Variants in STK39 observed in about 807,000 individuals in gnomAD.
STK39 encodes the protein STE20/SPS1-related proline-alanine-rich protein kinase.
Under a neutral mutation model 77.8 loss-of-function variants are expected in STK39, and 20 were observed. The observed-to-expected ratio is 0.26, with a 90% confidence interval of 0.18 to 0.37. The LOEUF (loss-of-function observed/expected upper bound fraction) is 0.37. STK39 is among the 10% of genes least tolerant of loss of function. The pLI, the probability that STK39 is intolerant of heterozygous loss-of-function variation, is 1.00. For synonymous variants in STK39, 246 were observed against 234.1 expected (o/e 1.05, Z -0.47); for missense variants, 479 against 656.5 (o/e 0.73, Z 2.95).
intron 14 of STK39, among the ~76,000 whole-genome samples, chr2:168,056,941 G>C (rs1470224446): frequency 6.6e-6 from 1 of 152,148 alleles, no homozygotes; most frequent in Non-Finnish European, 1.5e-5. Context: ...TGAACAAATT[G>C]TGTGGCAGGG....
At chr2:168,020,435 T>G (rs1365845713) in intron 14 of STK39, among the ~76,000 whole-genome samples, 1 of 152,072 alleles carries the variant, frequency 6.6e-6, no homozygotes, top group Non-Finnish European at 1.5e-5. Context: ...TTCCACTGAA[T>G]ATGTGTGAAA....
chr2:168,161,173 A>G (rs2105583719), intron 5 of STK39, among the ~76,000 whole-genome samples: 1 of 152,310 alleles, frequency 6.6e-6, no homozygotes, highest in South Asian at 2.1e-4. Context: ...AGCAAGAGTT[A>G]ATATGGGCGT....
At chr2:167,982,848 C>G (rs756822425) in intron 16 of STK39, among the ~76,000 whole-genome samples, 5 of 152,174 alleles carry the variant, frequency 3.3e-5, no homozygotes, top group Non-Finnish European at 7.4e-5. Context: ...CTTCAGATCT[C>G]CAGCTTTCAC....
chr2:168,017,160 T>C, intron 14 of STK39, 65 bp from the exon 15 acceptor site: 1 of 1,125,066 alleles, frequency 8.9e-7, no homozygotes, highest in Non-Finnish European at 1.3e-6. Context: ...ACTACATGTA[T>C]TCAGATTTTC....
chr2:167,996,393 T>G (rs1387581453), intron 16 of STK39, among the ~76,000 whole-genome samples: 2 of 152,248 alleles, frequency 1.3e-5, no homozygotes, highest in East Asian at 3.8e-4. Context: ...ATCAGTTTAT[T>G]AAATGACACC....
chr2:168,172,342 T>C (rs185881648), intron 2 of STK39, among the ~76,000 whole-genome samples: 1 of 152,314 alleles, frequency 6.6e-6, no homozygotes, highest in Admixed American at 6.5e-5. Flanking sequence ...TTGGCCCCAC[T>C]GGCTCAAGGA....
intron 5 of STK39, among the ~76,000 whole-genome samples, chr2:168,158,380 A>G (rs1183204565): frequency 6.6e-6 from 1 of 152,098 alleles, no homozygotes; most frequent in Non-Finnish European, 1.5e-5. Context: ...TTCTATACCA[A>G]ATGACGCTTA....
chr2:167,964,594 G>GATT, intron 17 of STK39, 68 bp downstream of exon 17: 1 of 1,367,892 alleles, frequency 7.3e-7, no homozygotes, highest in African/African-American at 1.4e-5. Flanking sequence ...TATTAAACTA[G>GATT]ATTATTATTC....
chr2:168,100,148 A>C (rs902990386), intron 10 of STK39, among the ~76,000 whole-genome samples: 1 of 152,234 alleles, frequency 6.6e-6, no homozygotes, highest in African/African-American at 2.4e-5. Flanking sequence ...AGTTTTGCAG[A>C]CTATTTCAAG....
At chr2:168,059,856 C>T (rs1685616924) in intron 14 of STK39, among the ~76,000 whole-genome samples, 1 of 152,138 alleles carries the variant, frequency 6.6e-6, no homozygotes, top group Non-Finnish European at 1.5e-5. Flanking sequence ...GTATATCATA[C>T]AACCAATTTG....
At chr2:167,979,610 G>A (rs577371566) in intron 16 of STK39, among the ~76,000 whole-genome samples, 2 of 152,222 alleles carry the variant, frequency 1.3e-5, no homozygotes, top group African/African-American at 4.8e-5. Flanking sequence ...GAGGTAAAAC[G>A]TTCCAAGAGT....
intron 12 of STK39, among the ~76,000 whole-genome samples, chr2:168,070,009 G>T (rs1002126607): frequency 4.6e-5 from 7 of 152,170 alleles, no homozygotes; most frequent in Admixed American, 3.3e-4. Flanking sequence ...AAAATTGACA[G>T]AAAGTCATAA....
intron 10 of STK39, among the ~76,000 whole-genome samples, chr2:168,092,919 C>T (rs577678035): frequency 1.1e-4 from 16 of 152,308 alleles, no homozygotes; most frequent in South Asian, 6.2e-4. Context: ...TCCCAGGGTA[C>T]GGAATCTTTC....
chr2:168,202,351 C>T (rs762164982), intron 1 of STK39, among the ~76,000 whole-genome samples: 7 of 152,184 alleles, frequency 4.6e-5, no homozygotes, highest in Non-Finnish European at 1.0e-4. Context: ...CAGTAAAACA[C>T]AAAGTCCCTT....
chr2:168,024,477 C>T (rs1684648493), intron 14 of STK39, among the ~76,000 whole-genome samples: 1 of 152,184 alleles, frequency 6.6e-6, no homozygotes, highest in South Asian at 2.1e-4. Context: ...GCCACCCTCA[C>T]AAATGGATTA....
chr2:168,172,213 C>T (rs777762096), intron 2 of STK39, among the ~76,000 whole-genome samples: 4 of 152,172 alleles, frequency 2.6e-5, no homozygotes, highest in African/African-American at 4.8e-5. Flanking sequence ...TTCTTCGTTG[C>T]GTGTGAGCAT....
chr2:168,213,470 A>G (rs1428564494), intron 1 of STK39, among the ~76,000 whole-genome samples: 1 of 151,988 alleles, frequency 6.6e-6, no homozygotes, highest in Non-Finnish European at 1.5e-5. Context: ...TTCCTATTAA[A>G]AAAAAATATA....
chr2:168,153,039 C>T (rs114929003), intron 5 of STK39, among the ~76,000 whole-genome samples: 136 of 152,298 alleles, frequency 8.9e-4, no homozygotes, highest in African/African-American at 3.0e-3. Flanking sequence ...GGAAACAATG[C>T]ACACCATTGT....
chr2:168,222,884 T>C (rs975806958), intron 1 of STK39, among the ~76,000 whole-genome samples: 5 of 152,210 alleles, frequency 3.3e-5, no homozygotes, highest in Non-Finnish European at 7.3e-5. Flanking sequence ...TGGGTTGTTG[T>C]ATGGACTAAA....
Sources: allele counts gnomAD v4.1 joint callset (sites outside exome capture counted in the v4.1 genomes callset), GRCh38; gene constraint gnomAD v4.1.1; transcripts MANE v1.5; gene names NCBI Gene and HGNC (gene_info 2026-07-23, HGNC 2026-07-21).